Variants in BIRC6 observed in about 807,000 individuals in gnomAD.
BIRC6 encodes the protein baculoviral IAP repeat containing 6, also known as dual E2 ubiquitin-conjugating enzyme/E3 ubiquitin-protein ligase BIRC6.
In BIRC6, 98 loss-of-function variants were observed where a neutral mutation model predicts 503.3. The ratio of observed to expected loss-of-function variants is 0.19; its 90% CI spans 0.17 to 0.23. The LOEUF is 0.23. Among genes scored for constraint, BIRC6 ranks in the 10% least tolerant of loss-of-function variants. BIRC6 has a pLI of 1.00. For synonymous variants in BIRC6, 2,240 were observed against 2,078.7 expected (o/e 1.08, Z -2.11); for missense variants, 5,360 against 5,806.0 (o/e 0.92, Z 2.50).
rs1159010971 is a variant in BIRC6 at position 32,491,574 on chromosome 2, G to C, written c.8340+16G>C. 30 of 1,610,764 alleles carry C rather than the reference G, an allele frequency of 1.9e-5. No individual in the cohort carries two copies. Among genetic ancestry groups the C allele is most frequent in the Non-Finnish European group, 2.5e-5 (29 of 1,178,728 alleles). On this transcript the variant is annotated intron_variant, in intron 44 of 73. Coordinates refer to ENST00000421745, the MANE Select transcript of BIRC6 (RefSeq NM_016252.4). ...CAGTCCACAGGTAATATGATGTTTA[G>C]CCTGGCATATGCCCAGACTATTCAA...
At chr2:32,503,979 G>A (rs533933230) in intron 49 of BIRC6, among the ~76,000 whole-genome samples, 2 of 140,622 alleles carry the variant, frequency 1.4e-5, no homozygotes, top group Non-Finnish European at 3.0e-5. Flanking sequence ...AGCCTCCTGA[G>A]TAGCTGGGAT....
At chr2:32,512,631 G>A (rs574837558) in intron 53 of BIRC6, among the ~76,000 whole-genome samples, 13 of 152,206 alleles carry the variant, frequency 8.5e-5, no homozygotes, top group African/African-American at 3.1e-4. Flanking sequence ...GATGTGAAAC[G>A]TGCTGTATTT....
rs762266882 is a variant in BIRC6, at chr2:32,549,365, A to G, written c.13028A>G (p.Gln4343Arg). 6.7e-6 allele frequency: 10 copies of G among 1,501,068 alleles called. No individual in the cohort carries two copies. The East Asian group carries it at 1.9e-4, about 28-fold the overall frequency. The allele number at this position is 1,501,068 out of a possible 1,614,324, so 93.0% of individuals were successfully genotyped here. A position where few individuals can be genotyped will look rare whatever the true frequency, so the allele number is the denominator to read the frequency against. Reference protein sequence around the residue: ...PVSSAVNGEAQSSHETRGQNS... With the variant: ...PVSSAVNGEARSSHETRGQNS... ...AGTAGTGCGGTAAATGGAGAAGCTCAGTCATCTCATGAGACTAGAGGGCAG... is the reference window on the plus strand; with the variant it reads ...AGTAGTGCGGTAAATGGAGAAGCTCGGTCATCTCATGAGACTAGAGGGCAG... The change falls in exon 65 of 74, where the codon CAG becomes CGG. Residue 4343 changes from glutamine (Q) to arginine (R), a missense_variant. Gln to Arg is a conservative substitution (Grantham distance 43). Transcript: ENST00000421745.
In BIRC6 at chr2:32,408,679, C is replaced by A. The variant is rs74757631; in HGVS notation, c.1477+2122C>A. On this transcript the variant is annotated intron_variant, in intron 9 of 73. Transcript: ENST00000421745. ...TCATCTATGCCTGTTTGATTTTTCA[C>A]ACATTTTAAAGATACTGTAATCATG... Among the ~76,000 whole-genome samples, 802 of 152,248 alleles carry A rather than the reference C, an allele frequency of 5.3e-3. 10 individuals are homozygous for A. The highest frequency in any genetic ancestry group is 0.018 in the African/African-American group (733 of 41,546).
intron 54 of BIRC6, among the ~76,000 whole-genome samples, chr2:32,514,424 G>A (rs1465825469): frequency 1.3e-5 from 2 of 152,212 alleles, no homozygotes; most frequent in Non-Finnish European, 2.9e-5. Flanking sequence ...ACCATATTTA[G>A]CTAAGTCTTT....
chr2:32,382,574 C>T (rs536223930), intron 3 of BIRC6, among the ~76,000 whole-genome samples: 1 of 152,254 alleles, frequency 6.6e-6, no homozygotes, highest in South Asian at 2.1e-4. Flanking sequence ...TAGCCCCAAC[C>T]TGATAGAGCA....
intron 31 of BIRC6, 37 bp downstream of exon 31, chr2:32,470,338 T>A (rs962822830): frequency 6.8e-7 from 1 of 1,470,228 alleles, no homozygotes; most frequent in Non-Finnish European, 9.1e-7. Context: ...GTAAAAACAA[T>A]ATTCCTGCAA....
intron 61 of BIRC6, among the ~76,000 whole-genome samples, chr2:32,534,028 T>A (rs2056992116): frequency 6.6e-6 from 1 of 152,114 alleles, no homozygotes; most frequent in African/African-American, 2.4e-5. Context: ...TTCTAATATA[T>A]CAAATTAAGG....
chr2:32,477,530 C>G lies in BIRC6; in HGVS notation c.7015C>G (p.Leu2339Val). 1 of 1,613,888 alleles carries G rather than the reference C, an allele frequency of 6.2e-7. No homozygotes were observed. The highest frequency in any genetic ancestry group is 8.5e-7 in the Non-Finnish European group (1 of 1,179,842). The change falls in exon 35 of 74, where the codon CTT becomes GTT. Residue 2339 changes from leucine (L) to valine (V), a missense_variant. Physicochemically the swap from Leu to Val is conservative, Grantham distance 32. Around this residue, in one of 16 missense-constraint regions of BIRC6, gnomAD observed 2,299 missense variants for 2,267.2 expected, o/e 1.01. Coordinates refer to ENST00000421745, the MANE Select transcript of BIRC6 (RefSeq NM_016252.4). ...ISVVQKLVLF[L>V]LSMDFTCHAD... is the part of the protein sequence containing the mutation. ...AGTAGTCCAGAAACTTGTTCTGTTT[C>G]TTCTCTCCATGGACTTTACATGTCA...
chr2:32,468,729 A>G lies in BIRC6; in HGVS notation c.6073A>G (p.Thr2025Ala). The change falls in exon 29 of 74, where the codon ACT becomes GCT. Residue 2025 changes from threonine to alanine, a missense_variant. Transcript: ENST00000421745. ...GACATCTTCCACAGAGCAGTTACGT[A>G]CTATCATCAGATATTTACTGGACAC... ...IQTSSTEQLR[T>A]IIRYLLDTLL... 2.5e-6 allele frequency: 4 copies of G among 1,613,444 alleles called. No homozygotes were observed. Among genetic ancestry groups the G allele is most frequent in the South Asian group, 1.1e-5 (1 of 90,994 alleles).
chr2:32,520,577 C>T (rs774521453), intron 57 of BIRC6, among the ~76,000 whole-genome samples: 2 of 152,058 alleles, frequency 1.3e-5, no homozygotes, highest in Non-Finnish European at 2.9e-5. Context: ...CAGCACTTTG[C>T]GAGGCCAAGG....
At chr2:32,593,082 A>G (rs1290241358) in intron 66 of BIRC6, among the ~76,000 whole-genome samples, 1 of 152,212 alleles carries the variant, frequency 6.6e-6, no homozygotes, top group Admixed American at 6.5e-5. Flanking sequence ...ACTTTTATTT[A>G]TATACGATTT....
At chr2:32,405,623 C>G (rs2041119196) in intron 8 of BIRC6, among the ~76,000 whole-genome samples, 2 of 152,110 alleles carry the variant, frequency 1.3e-5, no homozygotes, top group South Asian at 4.1e-4. Context: ...TTTGTCTTGT[C>G]TTGATGACCC....
intron 3 of BIRC6, among the ~76,000 whole-genome samples, chr2:32,386,436 C>A (rs1385083122): frequency 1.3e-5 from 2 of 148,906 alleles, no homozygotes; most frequent in Non-Finnish European, 3.0e-5. Flanking sequence ...TCTTTTAAGT[C>A]TCTCTCTCTT....
intron 66 of BIRC6, among the ~76,000 whole-genome samples, chr2:32,576,387 T>C (rs1283343338): frequency 6.6e-6 from 1 of 152,202 alleles, no homozygotes; most frequent in East Asian, 1.9e-4. Context: ...TTCCTTTCCC[T>C]TGGCAGGATC....
intron 55 of BIRC6, among the ~76,000 whole-genome samples, chr2:32,516,114 C>A (rs555589422): frequency 6.6e-6 from 1 of 152,338 alleles, no homozygotes; most frequent in South Asian, 2.1e-4. Context: ...TGCCTTGAGG[C>A]ATTGTGTTTT....
rs906883400 is a variant in BIRC6 at position 32,471,046 on chromosome 2, G to T, written c.6514G>T (p.Val2172Phe). The stretch of plus-strand genomic sequence containing the variant: ...AGATATTCCCATGATCAGTTGGGTT[G>T]TTATGCTGGTGTCCAGGTTGCTGGA... The part of the protein sequence containing the change: ...VLDIPMISWV[V>F]MLVSRLLDYV... Residue 2172 changes from valine to phenylalanine, a missense_variant, in exon 32 of 74, where the codon GTT becomes TTT. By Grantham distance (50) the Val-to-Phe change is conservative. Coordinates refer to ENST00000421745, the MANE Select transcript of BIRC6 (RefSeq NM_016252.4). The T allele has an allele frequency of 1.3e-6, 2 of 1,580,354 alleles. No homozygotes were observed. The highest frequency in any genetic ancestry group is 3.6e-5 in the Admixed American group (2 of 55,156).
intron 62 of BIRC6, among the ~76,000 whole-genome samples, chr2:32,545,384 A>G (rs959410088): frequency 1.3e-5 from 2 of 152,236 alleles, no homozygotes; most frequent in Admixed American, 1.3e-4. Flanking sequence ...TAATTTTGAC[A>G]TAATCTATAG....
intron 66 of BIRC6, among the ~76,000 whole-genome samples, chr2:32,576,351 CT>C (rs1230448535): frequency 6.6e-6 from 1 of 152,132 alleles, no homozygotes; most frequent in Non-Finnish European, 1.5e-5. Context: ...TGTCAAAACT[CT>C]TTTTTAAATA....
Sources: allele counts gnomAD v4.1 joint callset (sites outside exome capture counted in the v4.1 genomes callset), GRCh38; gene constraint gnomAD v4.1.1; regional missense constraint gnomAD v4.1.1; transcripts MANE v1.5; gene names NCBI Gene and HGNC (gene_info 2026-07-23, HGNC 2026-07-21).